UNC80: variants seen among roughly 807,000 people sequenced by gnomAD.
UNC80 encodes the protein unc-80 subunit of NALCN channel complex.
In UNC80, 164 loss-of-function variants were observed where a neutral mutation model predicts 384.6. That is an observed-to-expected ratio of 0.43 (90% CI 0.38 to 0.49). UNC80 has a LOEUF of 0.49. UNC80 is among the 20% of genes least tolerant of loss of function. The probability of loss-of-function intolerance (pLI) is 0.00; values close to 1 mark genes in which losing one functional copy is unlikely to be tolerated. For missense variants in UNC80, 3,330 were observed against 4,143.0 expected (o/e 0.80, Z 5.39); for synonymous variants, 1,486 against 1,527.8 (o/e 0.97, Z 0.64).
chr2:209,918,566 C>T lies in UNC80; in HGVS notation c.5246C>T (p.Ser1749Leu), dbSNP rs1172295484. 3.2e-6 allele frequency: 5 copies of T among 1,552,222 alleles called. No individual in the cohort carries two copies. The highest frequency in any genetic ancestry group is 1.7e-4 in the Middle Eastern group (1 of 5,998). ...CCCAGTATCAATTTCACCCTTCCCT[C>T]GCCGGTGCTTGGAATGCCATCCGTC... ...PPPSINFTLP[S>L]PVLGMPSVPM... is the part of the protein sequence containing the mutation. Residue 1749 changes from serine to leucine, a missense_variant, in exon 33 of 65, where the codon TCG (serine) becomes TTG (leucine). This residue lies in a region of UNC80 where 1,049 missense variants were observed against 1,488.6 expected (regional missense o/e 0.70). Coordinates refer to ENST00000673920, the MANE Select transcript of UNC80 (RefSeq NM_001371986.1).
chr2:209,773,833 A>G lies in UNC80; in HGVS notation c.141+691A>G, dbSNP rs372995049. On this transcript the variant is annotated intron_variant, in intron 2 of 64. Transcript: ENST00000673920. Reference sequence around the variant, plus strand: ...ATGTTCTCCAATTCTAAAAATGAATAATATAAAATAATTGTGAAAATAATA... The same window carrying G: ...ATGTTCTCCAATTCTAAAAATGAATGATATAAAATAATTGTGAAAATAATA... 1.4e-4 allele frequency among the ~76,000 whole-genome samples: 22 copies of G among 152,350 alleles called. No individual in the cohort carries two copies. In the East Asian group the frequency reaches 2.7e-3, roughly 19 times the overall value.
chr2:209,898,981 AT>A (rs1474153066), intron 28 of UNC80, among the ~76,000 whole-genome samples: 1 of 152,170 alleles, frequency 6.6e-6, no homozygotes, highest in East Asian at 1.9e-4. Flanking sequence ...GTAGTACTCT[AT>A]TGTGTATATG....
At chr2:209,960,090 A>C (rs956381808) in intron 51 of UNC80, among the ~76,000 whole-genome samples, 1 of 152,194 alleles carries the variant, frequency 6.6e-6, no homozygotes, top group African/African-American at 2.4e-5. Context: ...GTTATTTTAC[A>C]TGAGGAATGC....
intron 23 of UNC80, 25 bp from the exon 24 acceptor site, chr2:209,877,929 T>G (rs1183504434): frequency 1.3e-6 from 2 of 1,509,270 alleles, no homozygotes; most frequent in Non-Finnish European, 1.8e-6. Flanking sequence ...TTTGTGCTGT[T>G]TCATTGTTTT....
intron 16 of UNC80, among the ~76,000 whole-genome samples, chr2:209,833,437 A>G (rs1479484324): frequency 2.6e-5 from 4 of 152,202 alleles, no homozygotes; most frequent in African/African-American, 9.7e-5. Flanking sequence ...CGTCACCTTC[A>G]GTTTGTAGTC....
At chr2:209,796,544 T>C (rs2078169038) in intron 7 of UNC80, 1 of 152,188 alleles carries the variant, frequency 6.6e-6, no homozygotes, top group Non-Finnish European at 1.5e-5. Flanking sequence ...TCAGCTTGAA[T>C]GTTATCTCCC....
intron 33 of UNC80, among the ~76,000 whole-genome samples, chr2:209,919,417 G>A (rs541674050): frequency 7.6e-4 from 115 of 152,110 alleles, no homozygotes; most frequent in African/African-American, 2.6e-3. Context: ...AACCATTAAA[G>A]GTTTTTGACG....
chr2:209,935,811 A>G lies in UNC80; in HGVS notation c.6273+3A>G. On this transcript the variant is annotated splice_donor_region_variant and intron_variant, in intron 40 of 64. Transcript: ENST00000673920. ...CTCAATTTGAAGCCCTGTTGAAGGT[A>G]GGAATGACTTTTAACAGAAACAATT... 1 of 1,532,334 alleles carries G rather than the reference A, an allele frequency of 6.5e-7. No individual in the cohort carries two copies. Among genetic ancestry groups the G allele is most frequent in the East Asian group, 2.5e-5 (1 of 39,944 alleles). 94.9% of individuals were successfully genotyped at this position (1,532,334 alleles called of 1,614,324 possible).
intron 46 of UNC80, among the ~76,000 whole-genome samples, chr2:209,945,604 A>G (rs1006890763): frequency 1.3e-5 from 2 of 152,190 alleles, no homozygotes; most frequent in Non-Finnish European, 2.9e-5. Context: ...GTCTTCTATT[A>G]TCTGAGATTT....
At chr2:209,810,953 A>G (rs1299668402) in intron 7 of UNC80, among the ~76,000 whole-genome samples, 1 of 151,774 alleles carries the variant, frequency 6.6e-6, no homozygotes, top group Non-Finnish European at 1.5e-5. Context: ...GGGTGGGGGG[A>G]AGGAAATCCT....
intron 21 of UNC80, among the ~76,000 whole-genome samples, chr2:209,848,997 G>A (rs1354851089): frequency 1.3e-5 from 2 of 152,032 alleles, no homozygotes; most frequent in African/African-American, 4.8e-5. Flanking sequence ...CCACAGTGCT[G>A]TACCAATTTG....
chr2:209,790,815 A>G (rs1360950227), intron 6 of UNC80, among the ~76,000 whole-genome samples: 5 of 152,220 alleles, frequency 3.3e-5, no homozygotes, highest in Admixed American at 2.0e-4. Flanking sequence ...CACAGGATGG[A>G]AATATAATTA....
chr2:209,820,181 T>C, intron 12 of UNC80, 130 bp from the exon 13 acceptor site: 1 of 1,315,802 alleles, frequency 7.6e-7, no homozygotes, highest in East Asian at 2.7e-5. Context: ...AATTTGACAG[T>C]TGTCTAAATT....
chr2:209,877,967 G>A lies in UNC80; in HGVS notation c.3854G>A (p.Arg1285Gln), dbSNP rs1045178683. The A allele has an allele frequency of 2.6e-6, 4 of 1,530,212 alleles. No individual in the cohort carries two copies. Among genetic ancestry groups the A allele is most frequent in the South Asian group, 1.2e-5 (1 of 80,322 alleles). 94.8% of individuals were successfully genotyped at this position (1,530,212 alleles called of 1,614,324 possible). The change falls in exon 24 of 65, where the codon CGA becomes CAA. Residue 1285 changes from arginine to glutamine, a missense_variant. By Grantham distance (43) the Arg-to-Gln change is conservative. Coordinates refer to ENST00000673920, the MANE Select transcript of UNC80 (RefSeq NM_001371986.1). ...FYQWGDAIGV[R>Q]LNELCHGESE... ...TTCCCATTTTAGGCAATTGGCGTCC[G>A]ATTGAATGAGCTGTGCCACGGGGAA...
intron 47 of UNC80, among the ~76,000 whole-genome samples, chr2:209,951,999 G>T (rs1247434280): frequency 6.6e-6 from 1 of 151,782 alleles, no homozygotes; most frequent in Admixed American, 6.6e-5. Context: ...TACCTTTCAG[G>T]TTTCTAATTT....
intron 40 of UNC80, among the ~76,000 whole-genome samples, 154 bp from the exon 41 acceptor site, chr2:209,936,690 C>G (rs1298832532): frequency 3.3e-5 from 5 of 152,064 alleles, no homozygotes; most frequent in African/African-American, 1.2e-4. Flanking sequence ...ACACACATAT[C>G]TAACGTATAC....
chr2:209,917,566 A>G (rs182440834), intron 31 of UNC80, among the ~76,000 whole-genome samples: 104 of 152,290 alleles, frequency 6.8e-4, no homozygotes, highest in Admixed American at 6.5e-3. Flanking sequence ...GAGTGATTCT[A>G]CTGAAATGTC....
intron 26 of UNC80, among the ~76,000 whole-genome samples, chr2:209,891,544 A>G (rs945761141): frequency 2.0e-5 from 3 of 152,152 alleles, no homozygotes; most frequent in Non-Finnish European, 4.4e-5. Context: ...AATTTACACC[A>G]TTTTATAAAA....
intron 28 of UNC80, among the ~76,000 whole-genome samples, chr2:209,901,092 C>A (rs1328373093): frequency 6.6e-6 from 1 of 152,212 alleles, no homozygotes; most frequent in Non-Finnish European, 1.5e-5. Flanking sequence ...TCCAGAAGAT[C>A]TAGCCAGGAT....
Sources: allele counts gnomAD v4.1 joint callset (sites outside exome capture counted in the v4.1 genomes callset), GRCh38; gene constraint gnomAD v4.1.1; regional missense constraint gnomAD v4.1.1; transcripts MANE v1.5; gene names NCBI Gene and HGNC (gene_info 2026-07-23, HGNC 2026-07-21).